Variants in DHX40 observed in about 807,000 individuals in gnomAD.
DHX40 encodes the protein DEAH-box helicase 40.
In DHX40, 28 loss-of-function variants were observed where a neutral mutation model predicts 89.6. The ratio of observed to expected loss-of-function variants is 0.31; its 90% confidence interval spans 0.23 to 0.43. The LOEUF is 0.43. Among genes scored for constraint, DHX40 ranks in the 20% least tolerant of loss-of-function variants. The pLI is 1.00. For synonymous variants in DHX40, 226 were observed against 283.6 expected (o/e 0.80, Z 2.04); for missense variants, 457 against 844.0 (o/e 0.54, Z 5.68).
chr17:59,570,277 TTTATA>T (rs2048786875), intron 2 of DHX40, among the ~76,000 whole-genome samples: 1 of 134,586 alleles, frequency 7.4e-6, no homozygotes, highest in Non-Finnish European at 1.5e-5. Context: ...ATAAACTGGA[TTTATA>T]TTATATATAT....
chr17:59,606,783 A>AGGTGTTCT (rs1287991144), intron 17 of DHX40, among the ~76,000 whole-genome samples: 1 of 151,818 alleles, frequency 6.6e-6, no homozygotes, highest in Non-Finnish European at 1.5e-5. Context: ...CTTAGCCACT[A>AGGTGTTCT]GGTGTTCTAT....
At chr17:59,600,334 GA>G (rs138860950) in intron 14 of DHX40, among the ~76,000 whole-genome samples, 1,981 of 145,346 alleles carry the variant, frequency 0.014, 8 homozygotes, top group South Asian at 0.027. Flanking sequence ...ACTGATGAGA[GA>G]AAAAAAAAAA....
At chr17:59,606,307 C>T (rs1017460341) in intron 17 of DHX40, among the ~76,000 whole-genome samples, 13 of 152,184 alleles carry the variant, frequency 8.5e-5, no homozygotes, top group African/African-American at 2.7e-4. Context: ...GAAAGTTTTT[C>T]AGCTCACATA....
At chr17:59,586,024 T>C in intron 10 of DHX40, 129 bp from the exon 11 acceptor site, 2 of 707,470 alleles carry the variant, frequency 2.8e-6, no homozygotes, top group South Asian at 1.8e-5. Context: ...CATATAATTT[T>C]TTTTTAGAAA....
intron 17 of DHX40, among the ~76,000 whole-genome samples, chr17:59,606,605 G>T (rs1303044083): frequency 6.6e-6 from 1 of 152,064 alleles, no homozygotes; most frequent in Non-Finnish European, 1.5e-5. Flanking sequence ...AACTAGCTGG[G>T]TGTGGTGGCG....
Position 59,607,077 on chromosome 17 carries a change from G to C in DHX40, c.2245G>C (p.Asp749His). ...CTTAAAGAAAATGCAAAGAAGAAAT[G>C]ATGACAAATCCATATCTGATGCACG... Reference protein sequence around the residue: ...DVLKKMQRRNDDKSISDARAR... With the variant: ...DVLKKMQRRNHDKSISDARAR... The change falls in exon 18 of 18, where the codon GAT becomes CAT. Residue 749 changes from aspartate to histidine, a missense_variant. Coordinates refer to ENST00000251241, the MANE Select transcript of DHX40 (RefSeq NM_024612.5). The C allele has an allele frequency of 6.2e-7, 1 of 1,614,114 alleles. No individual in the cohort carries two copies. The highest frequency in any genetic ancestry group is 8.5e-7 in the Non-Finnish European group (1 of 1,180,022).
intron 12 of DHX40, among the ~76,000 whole-genome samples, chr17:59,597,895 A>G (rs1457659657): frequency 6.8e-6 from 1 of 147,168 alleles, no homozygotes; most frequent in African/African-American, 2.5e-5. Context: ...AGATCGCGCC[A>G]CTACACTCCA....
intron 11 of DHX40, among the ~76,000 whole-genome samples, chr17:59,586,771 A>T (rs2049003587): frequency 6.6e-6 from 1 of 152,124 alleles, no homozygotes; most frequent in Non-Finnish European, 1.5e-5. Flanking sequence ...AGTGCTAAGC[A>T]TTATGCTGGA....
At chr17:59,569,698 A>AAT (rs1339034424) in intron 2 of DHX40, among the ~76,000 whole-genome samples, 13 of 141,736 alleles carry the variant, frequency 9.2e-5, no homozygotes, top group East Asian at 2.0e-4. Context: ...AAAAGAAAAA[A>AAT]ATATATATAT....
At chr17:59,568,647 A>G (rs139597317) in intron 2 of DHX40, among the ~76,000 whole-genome samples, 10 of 152,212 alleles carry the variant, frequency 6.6e-5, no homozygotes, top group South Asian at 2.1e-4. Flanking sequence ...AACTTTTGTA[A>G]ATGTGGTCTC....
intron 3 of DHX40, among the ~76,000 whole-genome samples, chr17:59,572,355 T>C (rs2048822115): frequency 6.6e-6 from 1 of 152,162 alleles, no homozygotes; most frequent in African/African-American, 2.4e-5. Context: ...GACCTTTTTC[T>C]CACCCTGTTT....
At chr17:59,606,967 C>T in intron 17 of DHX40, 66 bp from the exon 18 acceptor site, 1 of 1,414,808 alleles carries the variant, frequency 7.1e-7, no homozygotes, top group Admixed American at 2.2e-5. Context: ...GCTTCTCTTT[C>T]TCTTAACATT....
At chr17:59,585,487 C>T (rs559453712) in intron 10 of DHX40, among the ~76,000 whole-genome samples, 84 of 151,362 alleles carry the variant, frequency 5.5e-4, no homozygotes, top group African/African-American at 2.0e-3. Context: ...CTTTGGGAGG[C>T]CGAGGCGGGC....
chr17:59,566,918 A>ATGT, intron 2 of DHX40, 124 bp downstream of exon 2: 1 of 784,502 alleles, frequency 1.3e-6, no homozygotes, highest in East Asian at 3.3e-5. Context: ...CTCTTGGCAC[A>ATGT]CCCCCTTCCC....
intron 10 of DHX40, among the ~76,000 whole-genome samples, chr17:59,582,297 AAC>A: frequency 8.0e-6 from 1 of 124,748 alleles, no homozygotes; most frequent in Non-Finnish European, 1.6e-5. Flanking sequence ...TGAAACAAAA[AAC>A]AAAGACTTCC....
At chr17:59,593,752 G>T (rs752594792) in intron 12 of DHX40, among the ~76,000 whole-genome samples, 64 of 147,780 alleles carry the variant, frequency 4.3e-4, no homozygotes, top group Middle Eastern at 3.4e-3. Context: ...AAAGTGCTGG[G>T]ATTACAGGAG....
chr17:59,603,044 A>T (rs982417431), intron 15 of DHX40, among the ~76,000 whole-genome samples: 1 of 152,162 alleles, frequency 6.6e-6, no homozygotes, highest in Non-Finnish European at 1.5e-5. Flanking sequence ...TGAGGAAGGC[A>T]TCTTTATAGA....
chr17:59,570,176 TAA>T (rs1491109275), intron 2 of DHX40, among the ~76,000 whole-genome samples: 4 of 123,870 alleles, frequency 3.2e-5, no homozygotes, highest in Non-Finnish European at 6.3e-5. Context: ...TGTTATATAT[TAA>T]TATATATAAT....
At chr17:59,570,206 ATATAT>A (rs1187174730) in intron 2 of DHX40, among the ~76,000 whole-genome samples, 2 of 121,780 alleles carry the variant, frequency 1.6e-5, no homozygotes, top group Non-Finnish European at 3.2e-5. Flanking sequence ...ATATTATAAT[ATATAT>A]TATATATTAA....
Sources: gnomAD v4.1 joint callset for allele counts (sites outside exome capture counted in the v4.1 genomes callset) on GRCh38, gnomAD v4.1.1 for gene constraint, MANE v1.5 for transcripts, NCBI Gene and HGNC (gene_info 2026-07-23, HGNC 2026-07-21) for gene names.